PCDHGA3: variants seen among roughly 807,000 people sequenced by gnomAD.
PCDHGA3 encodes the protein protocadherin gamma subfamily A, 3.
Under a neutral mutation model 58.5 loss-of-function variants are expected in PCDHGA3, and 40 were observed. That is an observed-to-expected ratio of 0.68 (90% confidence interval 0.53 to 0.89). The LOEUF (loss-of-function observed/expected upper bound fraction) is 0.89, where lower values mean the gene tolerates loss of function less well. PCDHGA3 is among the 40% of genes least tolerant of loss of function. The pLI, the probability that PCDHGA3 is intolerant of heterozygous loss-of-function variation, is 0.00. For missense variants in PCDHGA3, 1,223 were observed against 1,195.9 expected (o/e 1.02, Z -0.33); for synonymous variants, 530 against 525.7 (o/e 1.01, Z -0.11).
chr5:141,404,685 C>T (rs554522683), intron 1 of PCDHGA3: 1 of 1,614,010 alleles, frequency 6.2e-7, no homozygotes, highest in South Asian at 1.1e-5. Flanking sequence ...GTGGAGCTGG[C>T]ACCCCGCTCT....
In PCDHGA3 at chr5:141,486,499, C is replaced by G. The variant is rs1487201957; in HGVS notation, c.2425-8308C>G. 2 of 1,614,010 alleles carry G rather than the reference C, an allele frequency of 1.2e-6. No homozygotes were observed. Among genetic ancestry groups the G allele is most frequent in the Non-Finnish European group, 1.7e-6 (2 of 1,179,874 alleles). On this transcript the variant is annotated intron_variant, in intron 1 of 3. Coordinates refer to ENST00000253812, the MANE Select transcript of PCDHGA3 (RefSeq NM_018916.4). This position sits in a 1 kb window ranked among gnomAD's most constrained non-coding sequence, Gnocchi z 5.0. ...CTCTCAGTACCCACAGAACTATTTT[C>G]CTCAATATTTCAGATGTGAATGATA...
At chr5:141,418,895 GAA>G (rs746676640) in intron 1 of PCDHGA3, 1 of 1,613,998 alleles carries the variant, frequency 6.2e-7, no homozygotes, top group Admixed American at 1.7e-5. Flanking sequence ...CAACAGCCCA[GAA>G]ATAATCATCA....
chr5:141,384,261 C>G (rs1561601309), intron 1 of PCDHGA3: 1 of 1,613,910 alleles, frequency 6.2e-7, no homozygotes, highest in East Asian at 2.2e-5. Context: ...CCTTCCCCCA[C>G]TCATCCTACT....
At chr5:141,427,333 T>C (rs1157500463) in intron 1 of PCDHGA3, 1 of 457,322 alleles carries the variant, frequency 2.2e-6, no homozygotes, top group Non-Finnish European at 4.4e-6. Context: ...TTTACTTCAG[T>C]GTCCAGTTCT....
At chr5:141,389,652 G>C in intron 1 of PCDHGA3, 1 of 1,612,638 alleles carries the variant, frequency 6.2e-7, no homozygotes, top group South Asian at 1.1e-5. Context: ...GACCAAGGTA[G>C]TGGCGGTGGA....
chr5:141,395,646 C>T (rs1174950813), intron 1 of PCDHGA3: 2 of 167,832 alleles, frequency 1.2e-5, no homozygotes, highest in Non-Finnish European at 2.5e-5. Flanking sequence ...TTGTTATTAG[C>T]TTAGCAAAAG....
chr5:141,403,945 A>G (rs745421734), intron 1 of PCDHGA3: 48 of 1,613,810 alleles, frequency 3.0e-5, no homozygotes, highest in Non-Finnish European at 3.9e-5. Context: ...AAGGGTGGAC[A>G]AAAGTGCTCA....
intron 1 of PCDHGA3, chr5:141,349,963 G>T: frequency 3.8e-6 from 1 of 263,892 alleles, no homozygotes; most frequent in Non-Finnish European, 7.1e-6. Context: ...TAAAGACAGG[G>T]TACATAGATT....
intron 1 of PCDHGA3, chr5:141,357,759 T>G: frequency 9.6e-7 from 1 of 1,044,694 alleles, no homozygotes; most frequent in Non-Finnish European, 1.4e-6. Flanking sequence ...AACTGGTGGA[T>G]GACCTTCCAA....
chr5:141,413,365 G>A (rs1046513869), intron 1 of PCDHGA3: 14 of 1,614,000 alleles, frequency 8.7e-6, no homozygotes, highest in Non-Finnish European at 1.2e-5. Flanking sequence ...CCGGGAGCTG[G>A]CGGAGCGCGG....
At chr5:141,375,630 C>A (rs1162494057) in intron 1 of PCDHGA3, 1 of 1,614,246 alleles carries the variant, frequency 6.2e-7, no homozygotes, top group African/African-American at 1.3e-5. Flanking sequence ...ATTCTGTACG[C>A]CCTGCGCTCC....
At chr5:141,347,125 T>C (rs1757875813) in intron 1 of PCDHGA3, among the ~76,000 whole-genome samples, 1 of 137,678 alleles carries the variant, frequency 7.3e-6, no homozygotes. Context: ...CTTCCTTCCT[T>C]CCTCTGTTTC....
At position 141,489,076 on chromosome 5, in the gene PCDHGA3, C is replaced by T. The variant is rs536134432; in HGVS notation, c.2425-5731C>T. The T allele has an allele frequency of 6.1e-6, 2 of 326,424 alleles. No individual in the cohort carries two copies. Among genetic ancestry groups the T allele is most frequent in the East Asian group, 5.8e-5 (1 of 17,220 alleles). 20.2% of individuals were successfully genotyped at this position (326,424 alleles called of 1,614,324 possible). On this transcript the variant is annotated intron_variant, in intron 1 of 3. Coordinates refer to ENST00000253812, the MANE Select transcript of PCDHGA3 (RefSeq NM_018916.4). The surrounding 1 kb of genome is among the most constrained non-coding windows in gnomAD (Gnocchi z 4.5). The stretch of plus-strand genomic sequence containing the variant: ...CAGCTCCCCTCCCCCCTGCCCACCC[C>T]CGCCACTCGGTGACTAAGAACTGCT...
At position 141,345,151 on chromosome 5, in the gene PCDHGA3, A is replaced by T; in HGVS notation, c.1118A>T (p.Asp373Val). ...GAAATTGCTCTTATCGACGTGCATG[A>T]CCGAGATTCTGGGCAGAATGGGCAG... is the stretch of plus-strand genomic sequence containing the variant. ...GREIALIDVH[D>V]RDSGQNGQVE... Residue 373 changes from aspartate (D) to valine (V), a missense_variant, in exon 1 of 4, where the codon GAC (aspartate) becomes GTC (valine). Asp to Val is a radical substitution (Grantham distance 152). This residue lies in a region of PCDHGA3 where 791 missense variants were observed against 708.5 expected (regional missense o/e 1.12). Coordinates refer to ENST00000253812, the MANE Select transcript of PCDHGA3 (RefSeq NM_018916.4). 6.2e-7 allele frequency: 1 copy of T among 1,613,998 alleles called. No homozygotes were observed. The highest frequency in any genetic ancestry group is 8.5e-7 in the Non-Finnish European group (1 of 1,179,886).
At chr5:141,374,414 G>C in intron 1 of PCDHGA3, 1 of 1,614,026 alleles carries the variant, frequency 6.2e-7, no homozygotes, top group South Asian at 1.1e-5. Flanking sequence ...CATCCTTGTC[G>C]AGGATAAACT....
At chr5:141,408,623 G>C in intron 1 of PCDHGA3, 1 of 1,614,004 alleles carries the variant, frequency 6.2e-7, no homozygotes, top group Non-Finnish European at 8.5e-7. Flanking sequence ...AATACATTTA[G>C]AAATTTTCGA....
At chr5:141,428,362 G>T (rs868168419) in intron 1 of PCDHGA3, 2 of 556,756 alleles carry the variant, frequency 3.6e-6, no homozygotes, top group Non-Finnish European at 6.6e-6. Context: ...TTTGGCGGTC[G>T]CCTTGCACCT....
At position 141,486,027 on chromosome 5, in the gene PCDHGA3, C is replaced by A. The variant is rs2099623152; in HGVS notation, c.2425-8780C>A. 2 of 1,614,048 alleles carry A rather than the reference C, an allele frequency of 1.2e-6. No individual in the cohort carries two copies. Among genetic ancestry groups the A allele is most frequent in the African/African-American group, 2.7e-5 (2 of 74,912 alleles). On this transcript the variant is annotated intron_variant, in intron 1 of 3. Coordinates refer to ENST00000253812, the MANE Select transcript of PCDHGA3 (RefSeq NM_018916.4). The surrounding 1 kb of genome is among the most constrained non-coding windows in gnomAD (Gnocchi z 5.0). ...GTCACCTTTTATTTCAGTGGTCATA[C>A]CCCTGATCGTGTAAGAAACCTCTTT...
chr5:141,494,812 C>G lies in PCDHGA3; in HGVS notation c.2430C>G (p.Ala810=). The part of the protein sequence containing the change: ...MKGDSNLLQQ[A]PPNTDWRFSQ... ...TCCCTCTGTTTTCTCCACAGCAAGCCCCGCCCAACACGGACTGGCGTTTCT... is the reference window on the plus strand; with the variant it reads ...TCCCTCTGTTTTCTCCACAGCAAGCGCCGCCCAACACGGACTGGCGTTTCT... The change falls in exon 2 of 4, where the codon GCC becomes GCG. Residue 810 remains alanine, a synonymous_variant. Coordinates refer to ENST00000253812, the MANE Select transcript of PCDHGA3 (RefSeq NM_018916.4). 4 of 1,614,146 alleles carry G rather than the reference C, an allele frequency of 2.5e-6. No homozygotes were observed. The highest frequency in any genetic ancestry group is 3.4e-6 in the Non-Finnish European group (4 of 1,180,016).
Sources: allele counts gnomAD v4.1 joint callset (sites outside exome capture counted in the v4.1 genomes callset), GRCh38; gene constraint gnomAD v4.1.1; regional missense constraint gnomAD v4.1.1; non-coding constraint Gnocchi (gnomAD v3.1); transcripts MANE v1.5; gene names NCBI Gene and HGNC (gene_info 2026-07-23, HGNC 2026-07-21).